EVC2: variants seen among roughly 807,000 people sequenced by gnomAD.
EVC2 encodes EvC ciliary complex subunit 2.
In EVC2, 148 loss-of-function variants were observed where a neutral mutation model predicts 149.3. That is an observed-to-expected ratio of 0.99 (90% CI 0.87 to 1.14). The LOEUF (loss-of-function observed/expected upper bound fraction) is 1.14, where lower values mean the gene tolerates loss of function less well. Ranked by LOEUF, EVC2 falls within the 50% of genes most tolerant of loss-of-function variation. The pLI is 0.00. For missense variants in EVC2, 1,854 were observed against 1,627.3 expected (o/e 1.14, Z -2.40); for synonymous variants, 776 against 649.9 (o/e 1.19, Z -2.95).
intron 21 of EVC2, among the ~76,000 whole-genome samples, chr4:5,557,280 A>G (rs539851924): frequency 1.4e-4 from 21 of 152,312 alleles, no homozygotes; most frequent in African/African-American, 4.3e-4. Flanking sequence ...TTCTGAAATC[A>G]TTTAATGGAA....
At chr4:5,609,114 C>T (rs992243040) in intron 16 of EVC2, among the ~76,000 whole-genome samples, 2 of 152,086 alleles carry the variant, frequency 1.3e-5, no homozygotes, top group African/African-American at 4.8e-5. Context: ...CTGTAGCCTC[C>T]AGATGGCAGA....
rs59735629 is a variant in EVC2, at chr4:5,620,474, T to C, written c.2502-1792A>G. Among the ~76,000 whole-genome samples, 1,206 of 152,338 alleles carry C rather than the reference T, an allele frequency of 7.9e-3. 12 individuals carry two copies. Among genetic ancestry groups the C allele is most frequent in the African/African-American group, 0.026 (1,097 of 41,580 alleles). On this transcript the variant is annotated intron_variant, in intron 14 of 21. Coordinates refer to ENST00000344408, the MANE Select transcript of EVC2 (RefSeq NM_147127.5). Reference sequence around the variant, plus strand: ...CTTTCTCTTGCAAAGATATTCCTCATTAATTCCTACTTTAGCCAACCAGTT... The same window carrying C: ...CTTTCTCTTGCAAAGATATTCCTCACTAATTCCTACTTTAGCCAACCAGTT...
intron 16 of EVC2, among the ~76,000 whole-genome samples, chr4:5,591,655 G>GA (rs1246645689): frequency 6.6e-5 from 10 of 150,818 alleles, no homozygotes; most frequent in Non-Finnish European, 1.0e-4. Context: ...AAATTAAAAA[G>GA]AAAAAAAAAC....
At chr4:5,598,444 A>G (rs1461636113) in intron 16 of EVC2, among the ~76,000 whole-genome samples, 1 of 152,080 alleles carries the variant, frequency 6.6e-6, no homozygotes, top group East Asian at 1.9e-4. Context: ...TCTTTGACAA[A>G]CCTGAGAAAA....
rs137884710 is a variant in EVC2, at chr4:5,640,532, C to T, written c.1452G>A (p.Leu484=). ...MMAMEEAEEL[L]KRAGERSAVE... The stretch of plus-strand genomic sequence containing the variant: ...GTCTTACCCTCTCACCAGCACGTTT[C>T]AGCAACTCTTCTGCTTCCTCCATTG... Residue 484 remains leucine (L), a synonymous_variant, in exon 10 of 22, where the codon CTG becomes CTA. Transcript: ENST00000344408. The surrounding 1 kb of genome is among the most constrained non-coding windows in gnomAD (Gnocchi z 4.6). 900 of 1,614,136 alleles carry T rather than the reference C, an allele frequency of 5.6e-4. No homozygotes were observed. Among genetic ancestry groups the T allele is most frequent in the Middle Eastern group, 6.6e-4 (4 of 6,062 alleles).
Position 5,625,820 on chromosome 4 carries a change from C to G in EVC2, c.1975G>C (p.Asp659His). Residue 659 changes from aspartate to histidine, a missense_variant, in exon 13 of 22, where the codon GAC becomes CAC. Asp to His is a moderately conservative substitution (Grantham distance 81). Transcript: ENST00000344408. The surrounding 1 kb of genome is among the most constrained non-coding windows in gnomAD (Gnocchi z 4.0). ...VFSIKQKLDN[D>H]LKQEKKKLHQ... is the part of the protein sequence containing the mutation. ...AGCTTTTTCTTTTCCTGCTTTAAGT[C>G]ATTGTCCAACTTCTGCTTGATTGAA... The G allele has an allele frequency of 6.2e-7, 1 of 1,614,094 alleles. No individual in the cohort carries two copies. Among genetic ancestry groups the G allele is most frequent in the Non-Finnish European group, 8.5e-7 (1 of 1,180,036 alleles).
At chr4:5,574,632 T>C (rs750837946) in intron 19 of EVC2, 53 bp downstream of exon 19, 2 of 1,547,136 alleles carry the variant, frequency 1.3e-6, no homozygotes, top group Non-Finnish European at 1.8e-6. Flanking sequence ...GAGAAAAAGA[T>C]GAAGTGACGT....
Position 5,640,898 on chromosome 4 carries a change from T to C in EVC2, c.1146-60A>G. ...ATGAAATTGCAACAGAAACCAAAGG[T>C]CTTTCAAAGCTCTGAGGTTTTCATT... On this transcript the variant is annotated intron_variant, in intron 9 of 21. Transcript: ENST00000344408. The surrounding 1 kb of genome is among the most constrained non-coding windows in gnomAD (Gnocchi z 4.6). The C allele has an allele frequency of 6.3e-7, 1 of 1,591,884 alleles. No individual in the cohort carries two copies. Among genetic ancestry groups the C allele is most frequent in the Non-Finnish European group, 8.6e-7 (1 of 1,161,522 alleles).
chr4:5,555,841 C>T (rs1024379508), intron 21 of EVC2, among the ~76,000 whole-genome samples: 4 of 152,170 alleles, frequency 2.6e-5, no homozygotes, highest in Admixed American at 1.3e-4. Flanking sequence ...AATATAAAAT[C>T]ATCTCAACTT....
At chr4:5,689,776 G>C (rs532190009) in intron 4 of EVC2, among the ~76,000 whole-genome samples, 44 of 152,270 alleles carry the variant, frequency 2.9e-4, no homozygotes, top group African/African-American at 9.1e-4. Context: ...CGAGCTGCTC[G>C]TCCGCCTCTT....
At position 5,613,994 on chromosome 4, in the gene EVC2, G is replaced by A. The variant is rs569434829; in HGVS notation, c.2829+1428C>T. Among the ~76,000 whole-genome samples the A allele has an allele frequency of 5.9e-5, 9 of 152,242 alleles. No homozygotes were observed. In the South Asian group the frequency reaches 1.2e-3, roughly 21 times the overall value. On this transcript the variant is annotated intron_variant, in intron 16 of 21. Coordinates refer to ENST00000344408, the MANE Select transcript of EVC2 (RefSeq NM_147127.5). This position sits in a 1 kb window ranked among gnomAD's most constrained non-coding sequence, Gnocchi z 4.6. ...AAAACAAGCAAAAAAGCTAGAAAAAGGAGACAGGTGGAAGGTAAGAACAAA... is the reference window on the plus strand; with the variant it reads ...AAAACAAGCAAAAAAGCTAGAAAAAAGAGACAGGTGGAAGGTAAGAACAAA...
At chr4:5,644,136 T>C (rs1472191693) in intron 9 of EVC2, among the ~76,000 whole-genome samples, 4 of 152,148 alleles carry the variant, frequency 2.6e-5, no homozygotes, top group Admixed American at 2.6e-4. Context: ...ATGTCCCATG[T>C]TCTGGATTTG....
rs2108867650 is a variant in EVC2, at chr4:5,643,091, ACC to A, written c.1146-2255_1146-2254del. ...TGTACATGCATATCTACTTTACTTA[ACC>A]TTGTTGCTAAAGGGTGGTAAAATAT... On this transcript the variant is annotated intron_variant, in intron 9 of 21. Transcript: ENST00000344408. Among the ~76,000 whole-genome samples, 2 of 152,216 alleles carry A rather than the reference ACC, an allele frequency of 1.3e-5. 1 individual carries two copies. Among genetic ancestry groups the A allele is most frequent in the South Asian group, 4.1e-4 (2 of 4,824 alleles).
chr4:5,586,340 C>T (rs1176254336), intron 16 of EVC2, among the ~76,000 whole-genome samples: 1 of 152,016 alleles, frequency 6.6e-6, no homozygotes, highest in Non-Finnish European at 1.5e-5. Flanking sequence ...TGACTTATCC[C>T]AGGGTACCTT....
the EVC2 span, among the ~76,000 whole-genome samples, chr4:5,532,588 T>C: frequency 1.3e-5 from 2 of 152,122 alleles, no homozygotes; most frequent in African/African-American, 4.8e-5. Context: ...GCCCACCTCA[T>C]CTGCCAGCAA....
chr4:5,586,364 A>G (rs1047646095), intron 16 of EVC2, among the ~76,000 whole-genome samples: 1 of 152,056 alleles, frequency 6.6e-6, no homozygotes, highest in African/African-American at 2.4e-5. Context: ...TTGATATTAT[A>G]TCACTTCACA....
At chr4:5,634,333 G>A (rs1159428852) in intron 10 of EVC2, among the ~76,000 whole-genome samples, 1 of 152,200 alleles carries the variant, frequency 6.6e-6, no homozygotes, top group African/African-American at 2.4e-5. Context: ...CCCTGAGTCT[G>A]GGCACCGCAG....
intron 5 of EVC2, among the ~76,000 whole-genome samples, chr4:5,687,478 G>T (rs540634989): frequency 4.6e-5 from 7 of 152,150 alleles, no homozygotes; most frequent in South Asian, 2.1e-4. Flanking sequence ...AGAAGTCCAT[G>T]AATTCACGTG....
At chr4:5,599,425 CATGG>C (rs1400269262) in intron 16 of EVC2, among the ~76,000 whole-genome samples, 1 of 152,128 alleles carries the variant, frequency 6.6e-6, no homozygotes, top group African/African-American at 2.4e-5. Context: ...TTTGTAGGGA[CATGG>C]ATGAAATTGG....
Sources: allele counts gnomAD v4.1 joint callset (sites outside exome capture counted in the v4.1 genomes callset), GRCh38; gene constraint gnomAD v4.1.1; non-coding constraint Gnocchi (gnomAD v3.1); transcripts MANE v1.5; gene names NCBI Gene and HGNC (gene_info 2026-07-23, HGNC 2026-07-21).